Variants in HERC3 observed in about 807,000 individuals in gnomAD.
The protein encoded by HERC3 is probable E3 ubiquitin-protein ligase HERC3.
In HERC3, 58 loss-of-function variants were observed where a neutral mutation model predicts 129.9. The observed-to-expected ratio is 0.45, with a 90% CI of 0.36 to 0.56. The LOEUF is 0.56. Among genes scored for constraint, HERC3 ranks in the 20% least tolerant of loss-of-function variants. The pLI is 0.00. For missense variants in HERC3, 835 were observed against 1,244.2 expected, an observed-to-expected ratio of 0.67 and a Z score of 4.95; for synonymous variants, 430 against 451.0, an observed-to-expected ratio of 0.95 and a Z score of 0.59.
At chr4:88,601,244 G>C (rs1274745143) in intron 2 of HERC3, among the ~76,000 whole-genome samples, 2 of 152,152 alleles carry the variant, frequency 1.3e-5, no homozygotes, top group Non-Finnish European at 2.9e-5. Flanking sequence ...TTTCCTGAAA[G>C]CCTCAAGAGT....
chr4:88,578,853 C>T, the HERC3 span, among the ~76,000 whole-genome samples: 2 of 152,056 alleles, frequency 1.3e-5, no homozygotes, highest in Non-Finnish European at 2.9e-5. Flanking sequence ...GAGGTGGAGA[C>T]AGGATCTAGA....
chr4:88,561,669 T>C, the HERC3 span, among the ~76,000 whole-genome samples: 1 of 152,144 alleles, frequency 6.6e-6, no homozygotes, highest in Non-Finnish European at 1.5e-5. Flanking sequence ...CTTATTATCC[T>C]TTCCAACATC....
At chr4:88,686,197 C>A (rs1175643651) in intron 21 of HERC3, among the ~76,000 whole-genome samples, 1 of 152,138 alleles carries the variant, frequency 6.6e-6, no homozygotes, top group Non-Finnish European at 1.5e-5. Context: ...CAAGGCAATT[C>A]TTCTTCCAAT....
intron 3 of HERC3, among the ~76,000 whole-genome samples, chr4:88,608,009 G>A (rs547084508): frequency 6.6e-6 from 1 of 152,212 alleles, no homozygotes; most frequent in East Asian, 1.9e-4. Context: ...CTTCATTAAA[G>A]AATAACCTTA....
At chr4:88,640,974 A>C (rs1440160069) in intron 3 of HERC3, among the ~76,000 whole-genome samples, 7 of 152,256 alleles carry the variant, frequency 4.6e-5, no homozygotes, top group Non-Finnish European at 7.3e-5. Flanking sequence ...ATTGATATTT[A>C]TCGAACATTC....
intron 23 of HERC3, among the ~76,000 whole-genome samples, chr4:88,703,319 A>G (rs900472861): frequency 3.9e-5 from 6 of 152,140 alleles, no homozygotes; most frequent in Non-Finnish European, 7.3e-5. Flanking sequence ...CACAAGTGAC[A>G]GTGGCTGACT....
intron 22 of HERC3, 38 bp from the exon 23 acceptor site, chr4:88,687,179 C>T (rs963557206): frequency 2.0e-6 from 3 of 1,508,786 alleles, no homozygotes; most frequent in Admixed American, 1.7e-5. Context: ...GAATGGTTAA[C>T]AAAATTGAAA....
chr4:88,552,805 G>A, the HERC3 span, among the ~76,000 whole-genome samples: 1 of 152,070 alleles, frequency 6.6e-6, no homozygotes, highest in Non-Finnish European at 1.5e-5. Flanking sequence ...TGCTTGCCCT[G>A]TCCATAACCT....
chr4:88,654,410 TTATA>T (rs952017166), intron 7 of HERC3, among the ~76,000 whole-genome samples: 4 of 139,224 alleles, frequency 2.9e-5, no homozygotes, highest in Non-Finnish European at 6.3e-5. Flanking sequence ...ATAATGTAGA[TTATA>T]TATATATACA....
At chr4:88,552,404 C>T in the HERC3 span, among the ~76,000 whole-genome samples, 1 of 152,108 alleles carries the variant, frequency 6.6e-6, no homozygotes, top group East Asian at 1.9e-4. Flanking sequence ...AGGCACGTGC[C>T]ACCATGCGTG....
intron 3 of HERC3, among the ~76,000 whole-genome samples, chr4:88,643,511 G>A (rs1027814043): frequency 2.0e-5 from 3 of 152,120 alleles, no homozygotes; most frequent in African/African-American, 7.2e-5. Flanking sequence ...AGTAATCCAG[G>A]GTATGTGGTA....
chr4:88,650,696 C>G (rs763456393), intron 4 of HERC3, among the ~76,000 whole-genome samples: 1 of 152,172 alleles, frequency 6.6e-6, no homozygotes, highest in African/African-American at 2.4e-5. Flanking sequence ...GTTCCACATA[C>G]CACTACTATA....
intron 23 of HERC3, chr4:88,697,710 C>T: frequency 6.2e-7 from 1 of 1,612,098 alleles, no homozygotes; most frequent in Non-Finnish European, 8.5e-7. Flanking sequence ...CCGCTGCCGC[C>T]GCCTGGCTAG....
intron 19 of HERC3, among the ~76,000 whole-genome samples, chr4:88,679,522 C>CTTT (rs35403047): frequency 1.4e-5 from 2 of 139,816 alleles, no homozygotes; most frequent in African/African-American, 2.6e-5. Context: ...GATGGTAGAC[C>CTTT]TTTTTTTTTT....
the HERC3 span, among the ~76,000 whole-genome samples, chr4:88,558,841 G>T: frequency 6.6e-6 from 1 of 151,688 alleles, no homozygotes; most frequent in African/African-American, 2.4e-5. Context: ...GATGGTGGGC[G>T]CCTGTAGTCC....
At chr4:88,685,317 A>G (rs1171408419) in intron 21 of HERC3, among the ~76,000 whole-genome samples, 1 of 152,218 alleles carries the variant, frequency 6.6e-6, no homozygotes, top group African/African-American at 2.4e-5. Flanking sequence ...TTGCAGCACT[A>G]TTTACAATAG....
intron 4 of HERC3, 149 bp from the exon 5 acceptor site, chr4:88,651,863 C>G: frequency 1.6e-6 from 1 of 627,640 alleles, no homozygotes; most frequent in Middle Eastern, 4.4e-4. Context: ...GCTGAGATTA[C>G]AGGCGTGAAC....
At chr4:88,697,996 C>T (rs1734846119) in intron 23 of HERC3, among the ~76,000 whole-genome samples, 1 of 152,170 alleles carries the variant, frequency 6.6e-6, no homozygotes, top group Non-Finnish European at 1.5e-5. Flanking sequence ...TCTGGGCCCT[C>T]AACACCCGCC....
At chr4:88,649,056 C>T (rs1306469364) in intron 3 of HERC3, among the ~76,000 whole-genome samples, 1 of 152,138 alleles carries the variant, frequency 6.6e-6, no homozygotes, top group Non-Finnish European at 1.5e-5. Context: ...AGAAACTTTG[C>T]TCCCTGCATG....
Sources: allele counts gnomAD v4.1 joint callset (sites outside exome capture counted in the v4.1 genomes callset), GRCh38; gene constraint gnomAD v4.1.1; transcripts MANE v1.5; gene names NCBI Gene and HGNC (gene_info 2026-07-23, HGNC 2026-07-21).